PAX5: variants seen among roughly 807,000 people sequenced by gnomAD.
PAX5 encodes paired box protein Pax-5.
Under a neutral mutation model 43.7 loss-of-function variants are expected in PAX5, and 9 were observed. That is an observed-to-expected ratio of 0.21 (90% CI 0.12 to 0.36). PAX5 has a LOEUF of 0.36. Ranked by LOEUF, PAX5 falls within the 10% of genes least tolerant of loss-of-function variation. The pLI is 1.00. For synonymous variants in PAX5, 228 were observed against 214.3 expected (o/e 1.06, Z -0.56); for missense variants, 383 against 532.7 (o/e 0.72, Z 2.77).
At chr9:36,979,595 G>A (rs1353312032) in intron 5 of PAX5, among the ~76,000 whole-genome samples, 5 of 152,150 alleles carry the variant, frequency 3.3e-5, no homozygotes, top group East Asian at 1.9e-4. Flanking sequence ...AGGAGATTAC[G>A]ATTCCCATTT....
At chr9:36,879,877 G>T (rs2131747177) in intron 8 of PAX5, among the ~76,000 whole-genome samples, 2 of 152,254 alleles carry the variant, frequency 1.3e-5, no homozygotes, top group South Asian at 2.1e-4. Flanking sequence ...CAAGGGGAAG[G>T]GTGGTGTGTG....
chr9:36,936,251 G>A (rs1342945375), intron 6 of PAX5, among the ~76,000 whole-genome samples: 1 of 152,218 alleles, frequency 6.6e-6, no homozygotes, highest in Non-Finnish European at 1.5e-5. Flanking sequence ...TAAACAGTAA[G>A]ATCCCAGTAG....
In PAX5 at chr9:36,925,689, G is replaced by T. The variant is rs188165476; in HGVS notation, c.781-2205C>A. Among the ~76,000 whole-genome samples, 12 of 152,294 alleles carry T rather than the reference G, an allele frequency of 7.9e-5. No homozygotes were observed. The East Asian group carries it at 2.1e-3, about 27-fold the overall frequency. On this transcript the variant is annotated intron_variant, in intron 6 of 9. Coordinates refer to ENST00000358127, the MANE Select transcript of PAX5 (RefSeq NM_016734.3). Reference sequence around the variant, plus strand: ...AGAGACCTAAATGTGGAAGGCAAAGGCATCCAACGTGGCGAGCTCTAGGTC... The same window carrying T: ...AGAGACCTAAATGTGGAAGGCAAAGTCATCCAACGTGGCGAGCTCTAGGTC...
intron 5 of PAX5, among the ~76,000 whole-genome samples, chr9:36,970,555 C>T (rs1369699503): frequency 6.6e-6 from 1 of 152,154 alleles, no homozygotes; most frequent in African/African-American, 2.4e-5. Context: ...CAGGTCAGGC[C>T]ATGCTTTCTA....
chr9:37,024,809 A>G (rs1321898691), intron 1 of PAX5, among the ~76,000 whole-genome samples: 1 of 152,034 alleles, frequency 6.6e-6, no homozygotes, highest in Non-Finnish European at 1.5e-5. Context: ...ACCAGGTCTG[A>G]TGCTATCTCC....
At chr9:36,947,954 G>C (rs1288223672) in intron 6 of PAX5, among the ~76,000 whole-genome samples, 1 of 152,066 alleles carries the variant, frequency 6.6e-6, no homozygotes, top group African/African-American at 2.4e-5. Flanking sequence ...GTGAAAGGCA[G>C]AGCCGTGTCT....
At chr9:36,956,330 A>T (rs1335069728) in intron 6 of PAX5, among the ~76,000 whole-genome samples, 5 of 152,252 alleles carry the variant, frequency 3.3e-5, no homozygotes, top group African/African-American at 4.8e-5. Context: ...CAAACACAGA[A>T]TTTGCCTGTC....
chr9:36,913,838 T>C (rs4880033), intron 7 of PAX5, among the ~76,000 whole-genome samples: 102,404 of 152,014 alleles, frequency 0.67, 34,969 homozygotes, highest in East Asian at 0.86. Flanking sequence ...TACAGCACTC[T>C]GGGCTTTGTG....
chr9:37,002,771 T>G lies in PAX5; in HGVS notation c.481A>C (p.Thr161Pro). Residue 161 changes from threonine to proline, a missense_variant, in exon 5 of 10, where the codon ACT becomes CCT. Physicochemically the swap from Thr to Pro is conservative, Grantham distance 38. Around this residue, in one of 5 missense-constraint regions of PAX5, gnomAD observed 291 missense variants for 342.5 expected, o/e 0.85. Coordinates refer to ENST00000358127, the MANE Select transcript of PAX5 (RefSeq NM_016734.3). ...VPASSHSIVS[T>P]GSVTQVSSVS... Reference sequence around the variant, plus strand: ...GAGGACACCTGCGTCACGGAGCCAGTGGACACTGCGCGGAGAAAGACGGGC... The same window carrying G: ...GAGGACACCTGCGTCACGGAGCCAGGGGACACTGCGCGGAGAAAGACGGGC... The G allele has an allele frequency of 6.2e-7, 1 of 1,608,112 alleles. No individual in the cohort carries two copies. The highest frequency in any genetic ancestry group is 8.5e-7 in the Non-Finnish European group (1 of 1,178,066).
At chr9:37,002,603 C>T (rs779159253) in intron 5 of PAX5, 45 bp downstream of exon 5, 9 of 1,584,542 alleles carry the variant, frequency 5.7e-6, no homozygotes, top group Non-Finnish European at 6.0e-6. Context: ...CGGAAACAGA[C>T]CCCGTGGAGC....
chr9:36,972,460 C>T (rs937407692), intron 5 of PAX5, among the ~76,000 whole-genome samples: 3 of 152,252 alleles, frequency 2.0e-5, no homozygotes, highest in South Asian at 2.1e-4. Context: ...CCAAAATCCA[C>T]CTAGATTTTT....
chr9:36,918,938 A>AT (rs1456083984), intron 7 of PAX5, among the ~76,000 whole-genome samples: 1 of 152,206 alleles, frequency 6.6e-6, no homozygotes, highest in African/African-American at 2.4e-5. Flanking sequence ...TAAACAACAG[A>AT]TTTTCAATAT....
intron 5 of PAX5, among the ~76,000 whole-genome samples, chr9:36,967,962 T>C (rs10814485): frequency 6.6e-6 from 1 of 152,016 alleles, no homozygotes. Flanking sequence ...ATGAAATATC[T>C]TCTGTTGAGT....
intron 5 of PAX5, among the ~76,000 whole-genome samples, chr9:36,988,116 G>A (rs73438931): frequency 6.6e-6 from 1 of 152,072 alleles, no homozygotes; most frequent in Non-Finnish European, 1.5e-5. Flanking sequence ...GGTCCTAACC[G>A]AGGCTCCGGA....
In PAX5 at chr9:36,924,754, A is replaced by T. The variant is rs1246136360; in HGVS notation, c.781-1270T>A. Among the ~76,000 whole-genome samples the T allele has an allele frequency of 1.8e-3, 161 of 87,460 alleles. 4 individuals carry two copies. Among genetic ancestry groups the T allele is most frequent in the East Asian group, 8.2e-3 (26 of 3,158 alleles). The allele number at this position is 87,460 out of a possible 152,430, so 57.4% of individuals were successfully genotyped here. A position where few individuals can be genotyped will look rare whatever the true frequency, so the allele number is the denominator to read the frequency against. On this transcript the variant is annotated intron_variant, in intron 6 of 9. Coordinates refer to ENST00000358127, the MANE Select transcript of PAX5 (RefSeq NM_016734.3). ...AGAGGTGGAAGGAAGGAAGGAAGGAAGGAAGGAAGGAAGGAAGGAAGGAAG... is the reference window on the plus strand; with the variant it reads ...AGAGGTGGAAGGAAGGAAGGAAGGATGGAAGGAAGGAAGGAAGGAAGGAAG...
intron 5 of PAX5, among the ~76,000 whole-genome samples, chr9:36,973,296 T>C (rs1215019673): frequency 6.6e-6 from 1 of 152,138 alleles, no homozygotes; most frequent in Admixed American, 6.5e-5. Context: ...TTGCTGCTTG[T>C]AACCACAGGC....
intron 7 of PAX5, among the ~76,000 whole-genome samples, chr9:36,902,483 G>A (rs368344692): frequency 1.3e-5 from 2 of 152,346 alleles, no homozygotes; most frequent in Non-Finnish European, 1.5e-5. Context: ...GGATTCATCC[G>A]GGAGGGTGCC....
chr9:37,024,723 G>A (rs1441677680), intron 1 of PAX5, among the ~76,000 whole-genome samples: 1 of 152,196 alleles, frequency 6.6e-6, no homozygotes, highest in African/African-American at 2.4e-5. Context: ...GGACAAGGAG[G>A]CACAGACATT....
intron 6 of PAX5, among the ~76,000 whole-genome samples, chr9:36,932,783 T>C (rs1013248564): frequency 6.6e-6 from 1 of 151,930 alleles, no homozygotes; most frequent in African/African-American, 2.4e-5. Context: ...GGGATATCAG[T>C]GCAACAATTG....
Sources: gnomAD v4.1 joint callset for allele counts (sites outside exome capture counted in the v4.1 genomes callset) on GRCh38, gnomAD v4.1.1 for gene constraint, gnomAD v4.1.1 regional missense constraint, MANE v1.5 for transcripts, NCBI Gene and HGNC (gene_info 2026-07-23, HGNC 2026-07-21) for gene names.